Variants in SYT9 observed in about 807,000 individuals in gnomAD.
SYT9 encodes the protein synaptotagmin-9.
SYT9 carries 22 observed loss-of-function variants against 48.4 expected under a neutral mutation model. The observed-to-expected ratio is 0.45, with a 90% confidence interval of 0.32 to 0.65. The LOEUF is 0.65. SYT9 is among the 30% of genes least tolerant of loss of function. The pLI, the probability that SYT9 is intolerant of heterozygous loss-of-function variation, is 0.03. For missense variants in SYT9, 577 were observed against 622.0 expected (o/e 0.93, Z 0.77); for synonymous variants, 265 against 245.0 (o/e 1.08, Z -0.76).
chr11:7,411,867 C>T (rs1382557500), intron 3 of SYT9, among the ~76,000 whole-genome samples: 2 of 152,006 alleles, frequency 1.3e-5, no homozygotes, highest in Non-Finnish European at 1.5e-5. Context: ...CTATGTTGTC[C>T]CATAGGTCAC....
intron 6 of SYT9, among the ~76,000 whole-genome samples, chr11:7,452,869 G>A (rs1848081562): frequency 6.6e-6 from 1 of 152,024 alleles, no homozygotes; most frequent in Non-Finnish European, 1.5e-5. Context: ...CACAACCTCC[G>A]CCTCCTGGGT....
chr11:7,324,017 C>A (rs139573325), intron 3 of SYT9, among the ~76,000 whole-genome samples: 1 of 151,914 alleles, frequency 6.6e-6, no homozygotes, highest in Non-Finnish European at 1.5e-5. Context: ...TTGAAATAAT[C>A]TTTTCTGTCA....
intron 1 of SYT9, among the ~76,000 whole-genome samples, chr11:7,240,179 G>T (rs1847726512): frequency 6.6e-6 from 1 of 152,104 alleles, no homozygotes; most frequent in Admixed American, 6.6e-5. Context: ...ACATCTCAGA[G>T]GTCCAAGTGG....
At chr11:7,373,645 GC>G (rs1373499045) in intron 3 of SYT9, among the ~76,000 whole-genome samples, 3 of 152,096 alleles carry the variant, frequency 2.0e-5, no homozygotes, top group Non-Finnish European at 1.5e-5. Flanking sequence ...CTGGCCCTGA[GC>G]CATGTAATAG....
chr11:7,420,219 A>G (rs1447717937), intron 5 of SYT9, among the ~76,000 whole-genome samples: 1 of 152,148 alleles, frequency 6.6e-6, no homozygotes, highest in Non-Finnish European at 1.5e-5. Context: ...GCCAGCCTAG[A>G]TCCAGGACGA....
chr11:7,333,775 C>G (rs895335507), intron 3 of SYT9, among the ~76,000 whole-genome samples: 9 of 152,196 alleles, frequency 5.9e-5, no homozygotes, highest in African/African-American at 2.2e-4. Context: ...GCAGTTTTGT[C>G]TCCATCATCA....
At chr11:7,305,621 G>T (rs1472055200) in intron 2 of SYT9, among the ~76,000 whole-genome samples, 1 of 152,202 alleles carries the variant, frequency 6.6e-6, no homozygotes, top group African/African-American at 2.4e-5. Context: ...TTGGGGAGGG[G>T]AAAGGTAAGC....
intron 3 of SYT9, among the ~76,000 whole-genome samples, chr11:7,345,549 G>A (rs923288182): frequency 6.6e-6 from 1 of 152,206 alleles, no homozygotes; most frequent in Non-Finnish European, 1.5e-5. Flanking sequence ...AACTCCAGAT[G>A]TTGGTATTTA....
rs1417390958 is a variant in SYT9 at position 7,406,544 on chromosome 11, A to ATATG, written c.1045-9495_1045-9494insGTAT. 6.0e-5 allele frequency among the ~76,000 whole-genome samples: 3 copies of ATATG among 50,148 alleles called. No homozygotes were observed. The East Asian group carries it at 1.2e-3, about 21-fold the overall frequency. The allele number at this position is 50,148 out of a possible 152,430, so 32.9% of individuals were successfully genotyped here. On this transcript the variant is annotated intron_variant, in intron 3 of 6. Coordinates refer to ENST00000318881, the MANE Select transcript of SYT9 (RefSeq NM_175733.4). ...ATAATGTTCAATTGCGCATATATAT[A>ATATG]TATATATATATATATATATATATAG... is the stretch of plus-strand genomic sequence containing the variant.
chr11:7,290,259 A>G (rs1848675917), intron 1 of SYT9, among the ~76,000 whole-genome samples: 1 of 152,222 alleles, frequency 6.6e-6, no homozygotes, highest in Admixed American at 6.5e-5. Context: ...TAAAGTTAAT[A>G]TTGACCATAG....
chr11:7,267,215 G>T (rs909483505), intron 1 of SYT9, among the ~76,000 whole-genome samples: 1 of 152,024 alleles, frequency 6.6e-6, no homozygotes, highest in South Asian at 2.1e-4. Flanking sequence ...TTAGAATTAT[G>T]TTGGAGACTA....
rs180991411 is a variant in SYT9, at chr11:7,407,710, T to C, written c.1045-8332T>C. On this transcript the variant is annotated intron_variant, in intron 3 of 6. Transcript: ENST00000318881. The stretch of plus-strand genomic sequence containing the variant: ...TCTATAATTTATCTTCTGTTTATTT[T>C]TGTACATGAGAAGCCATAGGTATCC... 1.1e-4 allele frequency among the ~76,000 whole-genome samples: 16 copies of C among 152,338 alleles called. 1 individual carries two copies. The East Asian group carries it at 3.1e-3, about 29-fold the overall frequency.
rs12099294 is a variant in SYT9, at chr11:7,425,404, C to T, written c.1467+4769C>T. Among the ~76,000 whole-genome samples, 739 of 152,200 alleles carry T rather than the reference C, an allele frequency of 4.9e-3. 9 individuals carry two copies. Among genetic ancestry groups the T allele is most frequent in the South Asian group, 0.028 (134 of 4,822 alleles). ...CAGATTTAGGAAAGGAGCAATTCAC[C>T]AGGAAAGATGGGAGTGGGGAGAGCA... On this transcript the variant is annotated intron_variant, in intron 6 of 6. Coordinates refer to ENST00000318881, the MANE Select transcript of SYT9 (RefSeq NM_175733.4).
At chr11:7,297,094 G>GAGAC (rs1361017653) in intron 1 of SYT9, among the ~76,000 whole-genome samples, 2 of 151,550 alleles carry the variant, frequency 1.3e-5, no homozygotes, top group Non-Finnish European at 2.9e-5. Flanking sequence ...GTGAGAGAGA[G>GAGAC]AGAGAGACAG....
intron 3 of SYT9, among the ~76,000 whole-genome samples, chr11:7,400,045 A>G (rs552544384): frequency 1.1e-4 from 17 of 152,284 alleles, no homozygotes; most frequent in African/African-American, 4.1e-4. Flanking sequence ...CCACGTACTT[A>G]CCCCAAATGT....
chr11:7,400,753 T>A (rs924173658), intron 3 of SYT9, among the ~76,000 whole-genome samples: 1 of 152,176 alleles, frequency 6.6e-6, no homozygotes, highest in Non-Finnish European at 1.5e-5. Context: ...GCAGAATGCC[T>A]CCTCATCCCG....
At chr11:7,279,950 A>G (rs1413245926) in intron 1 of SYT9, among the ~76,000 whole-genome samples, 1 of 152,232 alleles carries the variant, frequency 6.6e-6, no homozygotes, top group Non-Finnish European at 1.5e-5. Flanking sequence ...GGGATTTTGC[A>G]TCAGGTAAAG....
At chr11:7,300,118 C>CT (rs1420508203) in intron 1 of SYT9, among the ~76,000 whole-genome samples, 2,724 of 145,390 alleles carry the variant, frequency 0.019, 61 homozygotes, top group African/African-American at 0.055. Context: ...CACAAATTAC[C>CT]TTTTTTTTTT....
Position 7,406,911 on chromosome 11 carries a change from A to G in SYT9, c.1045-9131A>G, listed in dbSNP as rs576441370. On this transcript the variant is annotated intron_variant, in intron 3 of 6. Coordinates refer to ENST00000318881, the MANE Select transcript of SYT9 (RefSeq NM_175733.4). ...CTAACTGGGATAAGATGATATCTCA[A>G]TGTGGTTTTATTTTGCATTTCCCTA... is the stretch of plus-strand genomic sequence containing the variant. 7.2e-5 allele frequency among the ~76,000 whole-genome samples: 11 copies of G among 152,168 alleles called. No individual in the cohort carries two copies. In the South Asian group the frequency reaches 1.7e-3, roughly 23 times the overall value.
Sources: gnomAD v4.1 joint callset for allele counts (sites outside exome capture counted in the v4.1 genomes callset) on GRCh38, gnomAD v4.1.1 for gene constraint, MANE v1.5 for transcripts, NCBI Gene and HGNC (gene_info 2026-07-23, HGNC 2026-07-21) for gene names.